ADORA2B: variants seen among roughly 807,000 people sequenced by gnomAD.
The protein encoded by ADORA2B is adenosine receptor A2b.
A neutral mutation model predicts 20.8 loss-of-function variants in ADORA2B; 18 were observed. The observed-to-expected ratio is 0.87, with a 90% CI of 0.60 to 1.29. The LOEUF (loss-of-function observed/expected upper bound fraction) is 1.29. Ranked by LOEUF, ADORA2B falls within the 50% of genes most tolerant of loss-of-function variation. The probability of loss-of-function intolerance (pLI) is 0.00; values close to 1 mark genes in which losing one functional copy is unlikely to be tolerated. For missense variants in ADORA2B, 441 were observed against 422.7 expected (o/e 1.04, Z -0.38); for synonymous variants, 179 against 178.3 (o/e 1.00, Z -0.03).
At chr17:15,903,488 A>G in the ADORA2B span, among the ~76,000 whole-genome samples, 1,378 of 152,278 alleles carry the variant, frequency 9.0e-3, 27 homozygotes, top group African/African-American at 0.031. Flanking sequence ...TGTAGGGGGA[A>G]GAAAGCACCT....
At chr17:15,959,701 A>G (rs1970012332) in intron 1 of ADORA2B, among the ~76,000 whole-genome samples, 1 of 152,094 alleles carries the variant, frequency 6.6e-6, no homozygotes, top group Non-Finnish European at 1.5e-5. Context: ...GGGTTTTGCC[A>G]TGTTGGCCAG....
At chr17:15,935,353 G>A in the ADORA2B span, among the ~76,000 whole-genome samples, 1 of 151,806 alleles carries the variant, frequency 6.6e-6, no homozygotes, top group South Asian at 2.1e-4. Flanking sequence ...TTTTCTTTCA[G>A]AGCTTTTACT....
At chr17:15,933,776 A>G in the ADORA2B span, among the ~76,000 whole-genome samples, 5 of 141,510 alleles carry the variant, frequency 3.5e-5, no homozygotes, top group South Asian at 2.2e-4. Context: ...ATGTGTGTGT[A>G]TATATATATA....
the ADORA2B span, among the ~76,000 whole-genome samples, chr17:15,891,303 A>G: frequency 1.4e-5 from 1 of 70,100 alleles, no homozygotes. Flanking sequence ...ATAAAATTGG[A>G]TATGTGTATA....
At chr17:15,872,421 G>A in the ADORA2B span, among the ~76,000 whole-genome samples, 4 of 152,140 alleles carry the variant, frequency 2.6e-5, no homozygotes, top group South Asian at 6.2e-4. Context: ...TGAATTTTGG[G>A]ATTGTTTTTT....
the ADORA2B span, among the ~76,000 whole-genome samples, chr17:15,937,852 C>T: frequency 1.3e-5 from 2 of 152,296 alleles, no homozygotes; most frequent in East Asian, 1.9e-4. Context: ...GGATTACAGG[C>T]GTGAGCGACC....
the ADORA2B span, among the ~76,000 whole-genome samples, chr17:15,878,036 G>C: frequency 2.0e-5 from 3 of 152,186 alleles, no homozygotes; most frequent in East Asian, 5.8e-4. Flanking sequence ...GTTTCGTGGG[G>C]CTTCACAATG....
the ADORA2B span, among the ~76,000 whole-genome samples, chr17:15,867,680 G>A: frequency 1.3e-5 from 2 of 149,158 alleles, no homozygotes; most frequent in Non-Finnish European, 3.0e-5. Context: ...GGGGAGGTCA[G>A]CCCCCCGCCC....
At chr17:15,908,846 C>T in the ADORA2B span, among the ~76,000 whole-genome samples, 3 of 152,286 alleles carry the variant, frequency 2.0e-5, no homozygotes, top group South Asian at 2.1e-4. Context: ...ACGCTTTGCT[C>T]TTCCGTGGGA....
chr17:15,945,537 C>T lies in ADORA2B; in HGVS notation c.289C>T (p.Leu97=). 1 of 1,596,630 alleles carries T rather than the reference C, an allele frequency of 6.3e-7. No homozygotes were observed. The highest frequency in any genetic ancestry group is 8.5e-7 in the Non-Finnish European group (1 of 1,173,536). Residue 97 remains leucine (L), a synonymous_variant, in exon 1 of 2, where the codon CTG becomes TTG. Coordinates refer to ENST00000304222, the MANE Select transcript of ADORA2B (RefSeq NM_000676.4). ...VLTQSSIFSL[L]AVAVDRYLAI... ...CACGCAGAGCTCCATCTTCAGCCTT[C>T]TGGCCGTGGCAGTCGACAGATACCT...
chr17:15,894,711 AAC>A, the ADORA2B span, among the ~76,000 whole-genome samples: 6 of 151,542 alleles, frequency 4.0e-5, no homozygotes, highest in South Asian at 4.1e-4. Context: ...GAAGAAGTCA[AAC>A]ACAACACCAT....
chr17:15,886,657 G>C, the ADORA2B span, among the ~76,000 whole-genome samples: 1 of 130,792 alleles, frequency 7.6e-6, no homozygotes, highest in Non-Finnish European at 1.6e-5. Flanking sequence ...CAAGGAAGAA[G>C]AGTGGAATTT....
chr17:15,863,494 C>T, the ADORA2B span, among the ~76,000 whole-genome samples: 2 of 152,020 alleles, frequency 1.3e-5, no homozygotes, highest in Admixed American at 6.6e-5. Flanking sequence ...TACAGGTGTG[C>T]GCTACCATGC....
chr17:15,890,349 T>C, the ADORA2B span, among the ~76,000 whole-genome samples: 1 of 128,660 alleles, frequency 7.8e-6, no homozygotes, highest in Non-Finnish European at 1.6e-5. Flanking sequence ...ATCTATCTCT[T>C]AGTGATTATA....
intron 1 of ADORA2B, among the ~76,000 whole-genome samples, chr17:15,971,557 A>T (rs1397100338): frequency 6.6e-6 from 1 of 152,020 alleles, no homozygotes; most frequent in African/African-American, 2.4e-5. Context: ...AAGTATTCCT[A>T]GTAAGTAGAA....
chr17:15,964,495 G>A (rs1315584688), intron 1 of ADORA2B, among the ~76,000 whole-genome samples: 1 of 151,296 alleles, frequency 6.6e-6, no homozygotes, highest in South Asian at 2.1e-4. Context: ...TGTAATCCCA[G>A]CTACTCAGGA....
chr17:15,975,484 A>G lies in ADORA2B; in HGVS notation c.*142A>G, dbSNP rs1597433742. 2.7e-6 allele frequency: 2 copies of G among 747,480 alleles called. No homozygotes were observed. The highest frequency in any genetic ancestry group is 5.2e-5 in the East Asian group (2 of 38,248). The allele number at this position is 747,480 out of a possible 1,614,324, so 46.3% of individuals were successfully genotyped here. A position where few individuals can be genotyped will look rare whatever the true frequency, so the allele number is the denominator to read the frequency against. On this transcript the variant is annotated 3_prime_UTR_variant, in exon 2 of 2. Transcript: ENST00000304222. ...GAGCACTTCCCTGGAGCTACCACGT[A>G]TCTAGCTAATATGTATGTGTCAGTA...
chr17:15,937,012 A>T, the ADORA2B span, among the ~76,000 whole-genome samples: 1 of 152,208 alleles, frequency 6.6e-6, no homozygotes, highest in Non-Finnish European at 1.5e-5. Context: ...ATCTTTGCCT[A>T]GTAAACCTAA....
At position 15,948,398 on chromosome 17, in the gene ADORA2B, C is replaced by CGGTGGGGGGGGGGGGGGGGG. The variant is rs61613212; in HGVS notation, c.335+2817_335+2818insTGGGGGGGGGGGGGGGGGGG. Among the ~76,000 whole-genome samples, 2 of 22,630 alleles carry CGGTGGGGGGGGGGGGGGGGG rather than the reference C, an allele frequency of 8.8e-5. 1 individual carries two copies. Among genetic ancestry groups the CGGTGGGGGGGGGGGGGGGGG allele is most frequent in the Admixed American group, 1.1e-3 (2 of 1,874 alleles). 14.8% of individuals were successfully genotyped at this position (22,630 alleles called of 152,430 possible). On this transcript the variant is annotated intron_variant, in intron 1 of 1. Coordinates refer to ENST00000304222, the MANE Select transcript of ADORA2B (RefSeq NM_000676.4). ...GACAATTCCTGATGTTGGGCCCTGG[C>CGGTGGGGGGGGGGGGGGGGG]GGCGGGGGGCTCCAGTCCCCAGTGG...
Sources: allele counts gnomAD v4.1 joint callset (sites outside exome capture counted in the v4.1 genomes callset), GRCh38; gene constraint gnomAD v4.1.1; transcripts MANE v1.5; gene names NCBI Gene and HGNC (gene_info 2026-07-23, HGNC 2026-07-21).